Variants in FKBP9 observed in about 807,000 individuals in gnomAD.
The protein encoded by FKBP9 is FKBP prolyl isomerase 9.
A neutral mutation model predicts 55.6 loss-of-function variants in FKBP9; 27 were observed. The observed-to-expected ratio is 0.49, with a 90% CI of 0.36 to 0.67. The LOEUF (loss-of-function observed/expected upper bound fraction) is 0.67. Among genes scored for constraint, FKBP9 ranks in the 30% least tolerant of loss-of-function variants. The probability of loss-of-function intolerance (pLI) is 0.00; values close to 1 mark genes in which losing one functional copy is unlikely to be tolerated. For synonymous variants in FKBP9, 267 were observed against 296.5 expected (o/e 0.90, Z 1.02); for missense variants, 539 against 742.8 (o/e 0.73, Z 3.19).
Position 32,998,809 on chromosome 7 carries a change from G to C in FKBP9, c.1227-1306G>C, listed in dbSNP as rs1213552729. 2.0e-5 allele frequency among the ~76,000 whole-genome samples: 3 copies of C among 152,100 alleles called. No homozygotes were observed. The East Asian group carries it at 5.8e-4, about 29-fold the overall frequency. ...GTGGATGGGGCCAGGAAGCATGCAGGGGGAGTGAGGACCGTGTTTGAGAGA... is the reference window on the plus strand; with the variant it reads ...GTGGATGGGGCCAGGAAGCATGCAGCGGGAGTGAGGACCGTGTTTGAGAGA... On this transcript the variant is annotated intron_variant, in intron 7 of 9. Transcript: ENST00000242209.
Position 32,957,738 on chromosome 7 carries a change from C to T in FKBP9, c.165C>T (p.Asp55=). The T allele has an allele frequency of 6.6e-7, 1 of 1,522,338 alleles. No homozygotes were observed. Among genetic ancestry groups the T allele is most frequent in the Non-Finnish European group, 8.8e-7 (1 of 1,138,712 alleles). The allele number at this position is 1,522,338 out of a possible 1,614,324, so 94.3% of individuals were successfully genotyped here. The change falls in exon 1 of 10, where the codon GAC becomes GAT. Residue 55 remains aspartate (D), a synonymous_variant. Coordinates refer to ENST00000242209, the MANE Select transcript of FKBP9 (RefSeq NM_007270.5). ...GCCCGCGCACCGTGCGCAGCGGCGA[C>T]TTCGTGCGCTACCACTACGTGGGGA... ...DECPRTVRSG[D]FVRYHYVGTF... is the part of the protein sequence containing the mutation.
intron 8 of FKBP9, among the ~76,000 whole-genome samples, chr7:33,001,696 T>G (rs892547296): frequency 1.3e-5 from 2 of 152,166 alleles, no homozygotes; most frequent in Non-Finnish European, 2.9e-5. Flanking sequence ...GATAACTTCT[T>G]TGGACCTATA....
intron 9 of FKBP9, among the ~76,000 whole-genome samples, chr7:33,003,559 G>A (rs1179635571): frequency 6.6e-6 from 1 of 151,980 alleles, no homozygotes; most frequent in South Asian, 2.1e-4. Context: ...CTCCTTTCTG[G>A]CATTTGTCCC....
intron 6 of FKBP9, among the ~76,000 whole-genome samples, chr7:32,992,294 C>A (rs187027727): frequency 6.8e-6 from 1 of 147,564 alleles, no homozygotes; most frequent in Admixed American, 6.8e-5. Flanking sequence ...GGAAACCCAC[C>A]CCCCTCAGAG....
At chr7:32,991,591 C>T (rs1357494691) in intron 6 of FKBP9, among the ~76,000 whole-genome samples, 2 of 151,594 alleles carry the variant, frequency 1.3e-5, no homozygotes, top group African/African-American at 2.4e-5. Flanking sequence ...GTGGGCTGAC[C>T]GTGTGCTCTC....
Position 32,980,407 on chromosome 7 carries a change from A to G in FKBP9, c.747A>G (p.Ala249=), listed in dbSNP as rs1355335255. ...AGGCATCTCTGGTGTTTGATGTTGC[A>G]TTATTGGACCTCCATAACCCCAAGG... ...PGQASLVFDV[A]LLDLHNPKDS... The change falls in exon 5 of 10, where the codon GCA becomes GCG. Residue 249 remains alanine (A), a synonymous_variant. Transcript: ENST00000242209. 6.2e-7 allele frequency: 1 copy of G among 1,613,466 alleles called. No homozygotes were observed. Among genetic ancestry groups the G allele is most frequent in the Admixed American group, 1.7e-5 (1 of 59,904 alleles).
chr7:32,965,832 T>TATATATATGTGTACAC lies in FKBP9; in HGVS notation c.221+8046_221+8047insGTGTACACATATATAT, dbSNP rs1554284336. ...AAAAAAATATATATATATATATATATATATATATATATGTGTGTACAGATA... is the reference window on the plus strand; with the variant it reads ...AAAAAAATATATATATATATATATATATATATATGTGTACACATATATATATATGTGTGTACAGATA... On this transcript the variant is annotated intron_variant, in intron 1 of 9. Transcript: ENST00000242209. 7.7e-3 allele frequency among the ~76,000 whole-genome samples: 334 copies of TATATATATGTGTACAC among 43,320 alleles called. 4 individuals are homozygous for TATATATATGTGTACAC. Among genetic ancestry groups the TATATATATGTGTACAC allele is most frequent in the Non-Finnish European group, 0.011 (255 of 23,134 alleles). 28.4% of individuals were successfully genotyped at this position (43,320 alleles called of 152,430 possible).
chr7:32,988,062 C>T (rs1784610203), intron 5 of FKBP9, among the ~76,000 whole-genome samples: 1 of 151,872 alleles, frequency 6.6e-6, no homozygotes, highest in Non-Finnish European at 1.5e-5. Context: ...TGCTTGTAGT[C>T]TCAGCTACTT....
intron 6 of FKBP9, 49 bp downstream of exon 6, chr7:32,988,701 C>T (rs772499871): frequency 6.9e-6 from 11 of 1,590,760 alleles, no homozygotes; most frequent in African/African-American, 2.7e-5. Context: ...GCTGCTTCCA[C>T]ATTGCTTGAA....
rs398004304 is a variant in FKBP9 at position 32,960,108 on chromosome 7, C to CTTTT, written c.221+2332_221+2335dup. 1.2e-3 allele frequency among the ~76,000 whole-genome samples: 114 copies of CTTTT among 98,568 alleles called. 2 individuals carry two copies. Among genetic ancestry groups the CTTTT allele is most frequent in the East Asian group, 1.8e-3 (6 of 3,328 alleles). The allele number at this position is 98,568 out of a possible 152,430, so 64.7% of individuals were successfully genotyped here. On this transcript the variant is annotated intron_variant, in intron 1 of 9. Transcript: ENST00000242209. The stretch of plus-strand genomic sequence containing the variant: ...CGGTCTCAACAACACTTGTACTTGT[C>CTTTT]TTTTTTTTTTTTTTTTTTTTTGAGA...
chr7:32,965,812 AATAT>A (rs57598279), intron 1 of FKBP9, among the ~76,000 whole-genome samples: 14 of 34,940 alleles, frequency 4.0e-4, no homozygotes, highest in African/African-American at 1.2e-3. Flanking sequence ...AAAAAAAAAA[AATAT>A]ATATATATAT....
intron 1 of FKBP9, among the ~76,000 whole-genome samples, chr7:32,964,015 G>A (rs150574461): frequency 4.4e-4 from 67 of 152,368 alleles, no homozygotes; most frequent in African/African-American, 1.5e-3. Context: ...AGTCAGGGGG[G>A]CCTGACAGGG....
intron 7 of FKBP9, among the ~76,000 whole-genome samples, chr7:32,999,332 T>G (rs1439070317): frequency 6.6e-6 from 1 of 152,200 alleles, no homozygotes; most frequent in African/African-American, 2.4e-5. Flanking sequence ...ACATCAACAC[T>G]GTTTGCCTTT....
intron 1 of FKBP9, among the ~76,000 whole-genome samples, chr7:32,973,698 T>TG (rs1562565548): frequency 1.0e-4 from 13 of 130,166 alleles, no homozygotes; most frequent in Admixed American, 2.3e-4. Context: ...TTTTTTTTTT[T>TG]TTTTTTTTTT....
intron 5 of FKBP9, among the ~76,000 whole-genome samples, chr7:32,983,083 G>A: frequency 6.6e-6 from 1 of 151,762 alleles, no homozygotes; most frequent in East Asian, 1.9e-4. Flanking sequence ...GAGTGCAATG[G>A]CGTGATCTCA....
chr7:32,996,610 C>CTTCCTTCCTTCG, intron 7 of FKBP9, among the ~76,000 whole-genome samples: 1 of 60,904 alleles, frequency 1.6e-5, no homozygotes, highest in Non-Finnish European at 4.9e-5. Context: ...GCTATCTTTC[C>CTTCCTTCCTTCG]TTCCTTCCTT....
At position 32,980,580 on chromosome 7, in the gene FKBP9, T is replaced by C. The variant is rs1367069104; in HGVS notation, c.893+27T>C. On this transcript the variant is annotated intron_variant, in intron 5 of 9. Coordinates refer to ENST00000242209, the MANE Select transcript of FKBP9 (RefSeq NM_007270.5). ...TAAGGAAATGATTAAAGTCTTCAAT[T>C]GCCAGAACATTGTATTAAATAAAGT... 1.9e-6 allele frequency: 3 copies of C among 1,610,016 alleles called. No individual in the cohort carries two copies. The African/African-American group carries it at 4.0e-5, about 22-fold the overall frequency.
intron 8 of FKBP9, among the ~76,000 whole-genome samples, chr7:33,000,783 A>C (rs536430221): frequency 9.4e-6 from 1 of 106,174 alleles, no homozygotes; most frequent in East Asian, 2.0e-4. Context: ...GGGATTCAAT[A>C]ACTTTTTTTT....
chr7:32,959,944 A>G (rs1255086586), intron 1 of FKBP9, among the ~76,000 whole-genome samples: 4 of 151,968 alleles, frequency 2.6e-5, no homozygotes, highest in Non-Finnish European at 5.9e-5. Context: ...TTTTTTGGAT[A>G]TATACCTAGG....
Sources: allele counts gnomAD v4.1 joint callset (sites outside exome capture counted in the v4.1 genomes callset), GRCh38; gene constraint gnomAD v4.1.1; transcripts MANE v1.5; gene names NCBI Gene and HGNC (gene_info 2026-07-23, HGNC 2026-07-21).